Variants in CNTN6 observed in about 807,000 individuals in gnomAD.
The protein encoded by CNTN6 is contactin-6.
In CNTN6, 137 loss-of-function variants were observed where a neutral mutation model predicts 122.8. The observed-to-expected ratio is 1.12, with a 90% confidence interval of 0.97 to 1.29. CNTN6 has a LOEUF of 1.29. Ranked by LOEUF, CNTN6 falls within the 50% of genes most tolerant of loss-of-function variation. The pLI is 0.00. For synonymous variants in CNTN6, 570 were observed against 426.0 expected (o/e 1.34, Z -4.16); for missense variants, 1,634 against 1,223.4 (o/e 1.34, Z -5.01).
intron 1 of CNTN6, among the ~76,000 whole-genome samples, chr3:1,103,016 G>A (rs996701240): frequency 4.6e-5 from 7 of 151,310 alleles, no homozygotes; most frequent in East Asian, 2.0e-4. Context: ...TGAGGCAGGA[G>A]AATGGCGGGA....
rs1392159304 is a variant in CNTN6 at position 1,390,014 on chromosome 3, C to A, written c.2704+4217C>A. On this transcript the variant is annotated intron_variant, in intron 20 of 22. Transcript: ENST00000446702. ...TAGACAGATCAATGAGACAGAAAGTCAACAAGGATACCCAGGAATTGAACT... is the reference window on the plus strand; with the variant it reads ...TAGACAGATCAATGAGACAGAAAGTAAACAAGGATACCCAGGAATTGAACT... 4.0e-5 allele frequency among the ~76,000 whole-genome samples: 6 copies of A among 151,484 alleles called. No homozygotes were observed. In the East Asian group the frequency reaches 1.2e-3, roughly 29 times the overall value.
intron 2 of CNTN6, among the ~76,000 whole-genome samples, chr3:1,155,827 T>C (rs1266253704): frequency 6.6e-6 from 1 of 152,192 alleles, no homozygotes; most frequent in Non-Finnish European, 1.5e-5. Context: ...CCTCCTACAG[T>C]TTCTCTCTAT....
At chr3:1,270,110 A>G (rs755097813) in intron 4 of CNTN6, among the ~76,000 whole-genome samples, 55 of 152,202 alleles carry the variant, frequency 3.6e-4, no homozygotes, top group Non-Finnish European at 6.8e-4. Flanking sequence ...TATGCTAGGA[A>G]ACATAATAAT....
At position 1,095,254 on chromosome 3, in the gene CNTN6, C is replaced by T. The variant is rs58376416; in HGVS notation, c.-83+2134C>T. ...TTGGGAGGCCGAGGCGGGCGGATCA[C>T]GAGGTCAAGAGATTGAGACCATCCT... is the stretch of plus-strand genomic sequence containing the variant. On this transcript the variant is annotated intron_variant, in intron 1 of 22. Transcript: ENST00000446702. Among the ~76,000 whole-genome samples, 344 of 152,068 alleles carry T rather than the reference C, an allele frequency of 2.3e-3. 1 individual carries two copies. Among genetic ancestry groups the T allele is most frequent in the African/African-American group, 7.9e-3 (329 of 41,518 alleles).
intron 2 of CNTN6, among the ~76,000 whole-genome samples, chr3:1,165,068 C>G (rs141866634): frequency 4.9e-4 from 75 of 152,262 alleles, no homozygotes; most frequent in Admixed American, 7.8e-4. Context: ...TATTTTCACA[C>G]CTCACCTCAT....
At chr3:1,148,490 C>CA (rs1251123131) in intron 2 of CNTN6, among the ~76,000 whole-genome samples, 1 of 151,508 alleles carries the variant, frequency 6.6e-6, no homozygotes, top group Non-Finnish European at 1.5e-5. Context: ...ATTGATATGG[C>CA]AAAAAAATCA....
intron 20 of CNTN6, among the ~76,000 whole-genome samples, chr3:1,401,099 G>A (rs1695636519): frequency 6.7e-6 from 1 of 149,800 alleles, no homozygotes; most frequent in African/African-American, 2.5e-5. Flanking sequence ...CTCATTGATT[G>A]ATGGCCAAAT....
chr3:1,224,844 C>T (rs1037833968), intron 3 of CNTN6, among the ~76,000 whole-genome samples: 1 of 152,170 alleles, frequency 6.6e-6, no homozygotes, highest in Non-Finnish European at 1.5e-5. Flanking sequence ...CTCCCAGACT[C>T]AAGCAATTCT....
intron 11 of CNTN6, among the ~76,000 whole-genome samples, chr3:1,332,966 A>C (rs1177981841): frequency 6.6e-6 from 1 of 152,102 alleles, no homozygotes; most frequent in African/African-American, 2.4e-5. Context: ...TTAAGAAGAC[A>C]ATATTAACGA....
At chr3:1,358,488 C>A (rs1023688208) in intron 12 of CNTN6, among the ~76,000 whole-genome samples, 18 of 150,156 alleles carry the variant, frequency 1.2e-4, no homozygotes, top group Non-Finnish European at 2.7e-4. Context: ...TAAACTATGT[C>A]ATTAAGATGG....
intron 2 of CNTN6, among the ~76,000 whole-genome samples, chr3:1,192,429 C>G (rs2093715221): frequency 6.6e-6 from 1 of 152,056 alleles, no homozygotes; most frequent in Non-Finnish European, 1.5e-5. Context: ...ATTCTGGTTG[C>G]AGGAAACTGG....
intron 11 of CNTN6, among the ~76,000 whole-genome samples, chr3:1,343,419 A>G (rs1030668215): frequency 4.6e-5 from 7 of 152,262 alleles, no homozygotes; most frequent in South Asian, 2.1e-4. Context: ...AGTCACTTCA[A>G]TGATCAAATA....
intron 4 of CNTN6, among the ~76,000 whole-genome samples, chr3:1,251,179 G>C (rs879688706): frequency 2.6e-5 from 4 of 152,056 alleles, no homozygotes; most frequent in African/African-American, 4.8e-5. Context: ...CTTTCGTTCT[G>C]TTGCCCTTGT....
rs150935591 is a variant in CNTN6, at chr3:1,205,125, T to C, written c.56-15562T>C. ...AGGACTCAACATGCTGTTCCTGATT[T>C]TAAAGATAGAGAAAGGTGTCCACAA... On this transcript the variant is annotated intron_variant, in intron 2 of 22. Transcript: ENST00000446702. 9.4e-4 allele frequency among the ~76,000 whole-genome samples: 143 copies of C among 152,188 alleles called. 5 individuals are homozygous for C. Among genetic ancestry groups the C allele is most frequent in the African/African-American group, 3.2e-3 (134 of 41,532 alleles).
At chr3:1,305,676 A>G (rs898984121) in intron 7 of CNTN6, among the ~76,000 whole-genome samples, 2 of 151,964 alleles carry the variant, frequency 1.3e-5, no homozygotes, top group Non-Finnish European at 2.9e-5. Flanking sequence ...CTTTTTTTAA[A>G]AAAATCTTAA....
At chr3:1,282,026 G>C (rs184318220) in intron 5 of CNTN6, among the ~76,000 whole-genome samples, 6 of 151,742 alleles carry the variant, frequency 4.0e-5, no homozygotes, top group Admixed American at 1.3e-4. Flanking sequence ...TTATAGGAGA[G>C]TAAGAAAAAG....
In CNTN6 at chr3:1,278,415, A is replaced by G; in HGVS notation, c.361A>G (p.Ile121Val). Residue 121 changes from isoleucine (I) to valine (V), a missense_variant and splice_region_variant, in exon 5 of 23, where the codon ATT becomes GTT. By Grantham distance (29) the Ile-to-Val change is conservative. Coordinates refer to ENST00000446702, the MANE Select transcript of CNTN6 (RefSeq NM_001289080.2). The part of the protein sequence containing the change: ...SRKAKLQFAY[I>V]EDFETKTRST... ...TCTGCTTTTCTTTGTTTTCCAAGAT[A>G]TTGAAGACTTTGAAACTAAAACAAG... 6.3e-7 allele frequency: 1 copy of G among 1,594,298 alleles called. No individual in the cohort carries two copies. Among genetic ancestry groups the G allele is most frequent in the Non-Finnish European group, 8.6e-7 (1 of 1,166,014 alleles).
chr3:1,319,478 CA>C (rs1249158836), intron 7 of CNTN6, among the ~76,000 whole-genome samples: 5 of 151,518 alleles, frequency 3.3e-5, no homozygotes, highest in Non-Finnish European at 7.4e-5. Flanking sequence ...AATATTATTA[CA>C]ATTATCATAA....
intron 2 of CNTN6, among the ~76,000 whole-genome samples, chr3:1,217,917 A>AG (rs2094150408): frequency 6.6e-6 from 1 of 152,226 alleles, no homozygotes; most frequent in African/African-American, 2.4e-5. Flanking sequence ...TAAAAACCAC[A>AG]GAATTTCACC....
Sources: gnomAD v4.1 joint callset for allele counts (sites outside exome capture counted in the v4.1 genomes callset) on GRCh38, gnomAD v4.1.1 for gene constraint, MANE v1.5 for transcripts, NCBI Gene and HGNC (gene_info 2026-07-23, HGNC 2026-07-21) for gene names.